Variants in DDX25 observed in about 807,000 individuals in gnomAD.
The protein encoded by DDX25 is ATP-dependent RNA helicase DDX25.
Under a neutral mutation model 64.6 loss-of-function variants are expected in DDX25, and 70 were observed. The observed-to-expected ratio is 1.08, with a 90% CI of 0.89 to 1.32. The LOEUF (loss-of-function observed/expected upper bound fraction) is 1.32, where lower values mean the gene tolerates loss of function less well. DDX25 is among the 40% of genes most tolerant of loss of function. The probability of loss-of-function intolerance (pLI) is 0.00; values close to 1 mark genes in which losing one functional copy is unlikely to be tolerated. For missense variants in DDX25, 587 were observed against 604.4 expected, an observed-to-expected ratio of 0.97 and a Z score of 0.30; for synonymous variants, 211 against 213.3, an observed-to-expected ratio of 0.99 and a Z score of 0.09.
chr11:125,920,498 G>A (rs1239960248), intron 10 of DDX25, among the ~76,000 whole-genome samples: 2 of 152,102 alleles, frequency 1.3e-5, no homozygotes, highest in South Asian at 2.1e-4. Flanking sequence ...GAGAATTTAC[G>A]TTTGTTCAGG....
chr11:125,918,934 C>A, intron 10 of DDX25, 144 bp downstream of exon 10: 1 of 1,031,466 alleles, frequency 9.7e-7, no homozygotes. Flanking sequence ...TCCATCTCCC[C>A]AGTTTCCTCA....
At position 125,917,089 on chromosome 11, in the gene DDX25, A is replaced by C; in HGVS notation, c.876A>C (p.Arg292=). Residue 292 remains arginine (R), a synonymous_variant, in exon 9 of 12, where the codon CGA becomes CGC. Coordinates refer to ENST00000263576, the MANE Select transcript of DDX25 (RefSeq NM_013264.5). The stretch of plus-strand genomic sequence containing the variant: ...ACTCTGTGTGGCACTTTGCTGAGCG[A>C]ATCATCCCTGACCCTAATGTTATCA... ...FEDSVWHFAE[R]IIPDPNVIKL... 1 of 1,610,758 alleles carries C rather than the reference A, an allele frequency of 6.2e-7. No homozygotes were observed. Among genetic ancestry groups the C allele is most frequent in the Non-Finnish European group, 8.5e-7 (1 of 1,178,818 alleles).
upstream of DDX25, chr11:125,903,470 A>G (rs1054194909): frequency 7.9e-5 from 12 of 152,740 alleles, no homozygotes; most frequent in African/African-American, 2.9e-4. Context: ...CGAAAACTAA[A>G]AGATTGAAGA....
chr11:125,918,477 T>G, intron 9 of DDX25, 151 bp from the exon 10 acceptor site: 2 of 1,006,646 alleles, frequency 2.0e-6, no homozygotes, highest in Admixed American at 3.2e-5. Context: ...CCCTGCCACA[T>G]TTTAAGGCCC....
intron 9 of DDX25, among the ~76,000 whole-genome samples, chr11:125,918,062 G>A (rs1480612979): frequency 2.0e-5 from 3 of 151,910 alleles, no homozygotes; most frequent in Non-Finnish European, 4.4e-5. Context: ...TATTTTTTTA[G>A]TAGAGACGGG....
intron 6 of DDX25, among the ~76,000 whole-genome samples, chr11:125,909,661 T>A (rs1403450435): frequency 6.6e-6 from 1 of 151,814 alleles, no homozygotes; most frequent in Non-Finnish European, 1.5e-5. Context: ...CTTTTTTTTT[T>A]TTTTTGACAT....
rs116158918 is a variant in DDX25, at chr11:125,906,071, T to C, written c.176-3T>C. 2,452 of 1,526,322 alleles carry C rather than the reference T, an allele frequency of 1.6e-3. 34 individuals carry two copies. In the African/African-American group the frequency reaches 0.03, roughly 19 times the overall value. The allele number at this position is 1,526,322 out of a possible 1,614,324, so 94.5% of individuals were successfully genotyped here. A position where few individuals can be genotyped will look rare whatever the true frequency, so the allele number is the denominator to read the frequency against. ...GTCCTCTTTTTTATTTTTGCTTTTC[T>C]AGTGGATTTGGCAGCTAATTCACTC... On this transcript the variant is annotated splice_polypyrimidine_tract_variant and splice_region_variant and intron_variant, in intron 3 of 11. Transcript: ENST00000263576.
intron 8 of DDX25, among the ~76,000 whole-genome samples, chr11:125,915,241 G>T (rs1379855982): frequency 6.6e-6 from 1 of 152,112 alleles, no homozygotes; most frequent in African/African-American, 2.4e-5. Flanking sequence ...GCTTAAAACA[G>T]GTTAAACCAG....
At chr11:125,905,972 T>G (rs1208249111) in intron 3 of DDX25, 102 bp from the exon 4 acceptor site, 45 of 1,376,188 alleles carry the variant, frequency 3.3e-5, no homozygotes, top group Non-Finnish European at 4.2e-5. Flanking sequence ...AAAATGAGCG[T>G]AGGTGCAATT....
At chr11:125,904,205 C>A (rs2134269456), upstream of DDX25, among the ~76,000 whole-genome samples, 1 of 152,222 alleles carries the variant, frequency 6.6e-6, no homozygotes, top group African/African-American at 2.4e-5. Flanking sequence ...CGCGGGGCGG[C>A]GCGGGGGGCG....
At position 125,904,534 on chromosome 11, in the gene DDX25, G is replaced by A. The variant is rs1354095648; in HGVS notation, c.17G>A (p.Trp6Ter). Residue 6 changes from tryptophan (W) to a stop codon, truncating the protein, a stop_gained, in exon 1 of 12, where the codon TGG becomes TAG. Coordinates refer to ENST00000263576, the MANE Select transcript of DDX25 (RefSeq NM_013264.5). LOFTEE classifies it high-confidence loss of function. MASLL[W>*]GGDAGAAESE... is the part of the protein sequence containing the mutation. ...ATCGCAGCCATGGCGTCGTTACTGT[G>A]GGGAGGCGACGCAGGGGCGGCGGAG... The A allele has an allele frequency of 5.3e-6, 8 of 1,500,440 alleles. No homozygotes were observed. The Admixed American group carries it at 9.1e-5, about 17-fold the overall frequency. 92.9% of individuals were successfully genotyped at this position (1,500,440 alleles called of 1,614,324 possible).
Position 125,922,884 on chromosome 11 carries a change from A to G in DDX25, c.*3A>G. ...AAATTGAAAAGATTGACTATTGAAGAAAGAACTTTATTGTTTGTGCAGTAT... is the reference window on the plus strand; with the variant it reads ...AAATTGAAAAGATTGACTATTGAAGGAAGAACTTTATTGTTTGTGCAGTAT... On this transcript the variant is annotated 3_prime_UTR_variant, in exon 12 of 12. Transcript: ENST00000263576. 6.2e-7 allele frequency: 1 copy of G among 1,603,930 alleles called. No individual in the cohort carries two copies. Among genetic ancestry groups the G allele is most frequent in the Non-Finnish European group, 8.5e-7 (1 of 1,174,338 alleles).
chr11:125,904,451 TG>T, upstream of DDX25: 1 of 1,324,164 alleles, frequency 7.6e-7, no homozygotes, highest in Admixed American at 3.8e-5. Context: ...GGCCAGCGGA[TG>T]GGGCCAGCAC....
chr11:125,905,395 C>A (rs1944869413), intron 2 of DDX25, 117 bp downstream of exon 2: 2 of 1,334,576 alleles, frequency 1.5e-6, no homozygotes, highest in Admixed American at 2.0e-5. Context: ...ATTCAGCACT[C>A]TCCATTACCT....
In DDX25 at chr11:125,904,525, C is replaced by T. The variant is rs1218968908; in HGVS notation, c.8C>T (p.Ser3Leu). 15 of 1,491,294 alleles carry T rather than the reference C, an allele frequency of 1.0e-5. No individual in the cohort carries two copies. The highest frequency in any genetic ancestry group is 5.4e-6 in the Non-Finnish European group (6 of 1,121,288). 92.4% of individuals were successfully genotyped at this position (1,491,294 alleles called of 1,614,324 possible). A position where few individuals can be genotyped will look rare whatever the true frequency, so the allele number is the denominator to read the frequency against. Residue 3 changes from serine to leucine, a missense_variant, in exon 1 of 12, where the codon TCG (serine) becomes TTG (leucine). Physicochemically the swap from Ser to Leu is moderately radical, Grantham distance 145. Coordinates refer to ENST00000263576, the MANE Select transcript of DDX25 (RefSeq NM_013264.5). MA[S>L]LLWGGDAGAA... ...GGAGCAGCAATCGCAGCCATGGCGTCGTTACTGTGGGGAGGCGACGCAGGG... is the reference window on the plus strand; with the variant it reads ...GGAGCAGCAATCGCAGCCATGGCGTTGTTACTGTGGGGAGGCGACGCAGGG...
At chr11:125,904,698 T>C (rs1944853844) in intron 1 of DDX25, 118 bp downstream of exon 1, 1 of 1,184,370 alleles carries the variant, frequency 8.4e-7, no homozygotes, top group Non-Finnish European at 1.2e-6. Context: ...CGTCAGATGC[T>C]GGAGGGGAGA....
At chr11:125,913,966 TC>T (rs758610098) in intron 8 of DDX25, among the ~76,000 whole-genome samples, 17 of 152,230 alleles carry the variant, frequency 1.1e-4, no homozygotes, top group Non-Finnish European at 2.2e-4. Flanking sequence ...CATTGAGCAT[TC>T]CGTTTCTGTC....
chr11:125,908,321 T>G, intron 5 of DDX25, 33 bp downstream of exon 5: 1 of 1,612,658 alleles, frequency 6.2e-7, no homozygotes. Flanking sequence ...TTCTACTTGG[T>G]TATGTTTAGT....
rs1945107670 is a variant in DDX25, at chr11:125,921,077, T to C, written c.1202-114T>C. 1 of 1,103,184 alleles carries C rather than the reference T, an allele frequency of 9.1e-7. No individual in the cohort carries two copies. The highest frequency in any genetic ancestry group is 1.6e-5 in the African/African-American group (1 of 63,132). 68.3% of individuals were successfully genotyped at this position (1,103,184 alleles called of 1,614,324 possible). A position where few individuals can be genotyped will look rare whatever the true frequency, so the allele number is the denominator to read the frequency against. ...CCTGTCTCAATTACATAAGCCCTGG[T>C]TGGATTTCTAAATTTTCTCTATAAA... On this transcript the variant is annotated intron_variant, in intron 10 of 11. Coordinates refer to ENST00000263576, the MANE Select transcript of DDX25 (RefSeq NM_013264.5). This position sits in a 1 kb window ranked among gnomAD's most constrained non-coding sequence, Gnocchi z 4.1.
Sources: allele counts gnomAD v4.1 joint callset (sites outside exome capture counted in the v4.1 genomes callset), GRCh38; gene constraint gnomAD v4.1.1; non-coding constraint Gnocchi (gnomAD v3.1); transcripts MANE v1.5; gene names NCBI Gene and HGNC (gene_info 2026-07-23, HGNC 2026-07-21).